Variants in MYO5A observed in about 807,000 individuals in gnomAD.
MYO5A encodes unconventional myosin-Va.
In MYO5A, 98 loss-of-function variants were observed where a neutral mutation model predicts 249.7. The ratio of observed to expected loss-of-function variants is 0.39; its 90% CI spans 0.33 to 0.46. The LOEUF (loss-of-function observed/expected upper bound fraction) is 0.46. Ranked by LOEUF, MYO5A falls within the 20% of genes least tolerant of loss-of-function variation. The pLI, the probability that MYO5A is intolerant of heterozygous loss-of-function variation, is 0.98. For missense variants in MYO5A, 1,696 were observed against 2,308.8 expected (o/e 0.73, Z 5.44); for synonymous variants, 778 against 810.6 (o/e 0.96, Z 0.68).
rs963367486 is a variant in MYO5A, at chr15:52,346,464, G to T, written c.3859-3C>A. ...ATTGTGGAATCTGTCATTGTATTCT[G>T]AGAGGGAAATAACACATTTACGCAT... On this transcript the variant is annotated splice_region_variant and splice_polypyrimidine_tract_variant and intron_variant, in intron 29 of 41. Transcript: ENST00000399233. 6.5e-7 allele frequency: 1 copy of T among 1,541,072 alleles called. No individual in the cohort carries two copies. Among genetic ancestry groups the T allele is most frequent in the Non-Finnish European group, 9.0e-7 (1 of 1,114,660 alleles).
chr15:52,355,113 T>C (rs2040151840), intron 25 of MYO5A, among the ~76,000 whole-genome samples: 1 of 152,316 alleles, frequency 6.6e-6, no homozygotes, highest in African/African-American at 2.4e-5. Flanking sequence ...TTAAATTGTT[T>C]ACAATGGGCA....
In MYO5A at chr15:52,348,702, A is replaced by G; in HGVS notation, c.3858+116T>C. ...AATCGGAAATTCACTTACAAATTCA[A>G]AATATCAAAATAGACTTGGTCAGAA... On this transcript the variant is annotated intron_variant, in intron 29 of 41. Transcript: ENST00000399233. The G allele has an allele frequency of 3.2e-6, 3 of 945,522 alleles. No homozygotes were observed. The East Asian group carries it at 8.0e-5, about 25-fold the overall frequency. The allele number at this position is 945,522 out of a possible 1,614,324, so 58.6% of individuals were successfully genotyped here. A position where few individuals can be genotyped will look rare whatever the true frequency, so the allele number is the denominator to read the frequency against.
chr15:52,455,784 A>C (rs1279034198), intron 1 of MYO5A, among the ~76,000 whole-genome samples: 2 of 151,890 alleles, frequency 1.3e-5, no homozygotes, highest in African/African-American at 4.8e-5. Context: ...AAAAAAAAAA[A>C]ACCTCAACAA....
intron 30 of MYO5A, among the ~76,000 whole-genome samples, chr15:52,343,890 A>C (rs1203107338): frequency 6.6e-6 from 1 of 152,262 alleles, no homozygotes; most frequent in African/African-American, 2.4e-5. Flanking sequence ...CACTTAGAAT[A>C]TAAAAATAAT....
At position 52,473,363 on chromosome 15, in the gene MYO5A, T is replaced by C. The variant is rs145152007; in HGVS notation, c.28-40078A>G. 6.7e-3 allele frequency among the ~76,000 whole-genome samples: 1,024 copies of C among 152,348 alleles called. 18 individuals carry two copies. Among genetic ancestry groups the C allele is most frequent in the African/African-American group, 0.024 (986 of 41,572 alleles). On this transcript the variant is annotated intron_variant, in intron 1 of 41. Transcript: ENST00000399233. ...GTAGGTTGCCTGTTCACTCTGATAG[T>C]AGTTTCTTTTGCTGTGCAGAAGCTC...
At chr15:52,405,853 C>A (rs1224902023) in intron 8 of MYO5A, among the ~76,000 whole-genome samples, 1 of 152,196 alleles carries the variant, frequency 6.6e-6, no homozygotes, top group African/African-American at 2.4e-5. Context: ...ATAGTATTAC[C>A]ATTTCTATTT....
intron 1 of MYO5A, among the ~76,000 whole-genome samples, chr15:52,523,371 C>T (rs777601451): frequency 6.6e-5 from 10 of 152,212 alleles, no homozygotes; most frequent in Non-Finnish European, 1.3e-4. Flanking sequence ...TACCCTGCTT[C>T]GTCCCTACAA....
At chr15:52,421,444 T>A (rs1490203656) in intron 4 of MYO5A, among the ~76,000 whole-genome samples, 2 of 152,242 alleles carry the variant, frequency 1.3e-5, no homozygotes, top group Admixed American at 6.5e-5. Context: ...TTAGTATTTT[T>A]CGAAGTGTTT....
intron 23 of MYO5A, among the ~76,000 whole-genome samples, chr15:52,366,629 CAA>C (rs60631867): frequency 0.2 from 15,044 of 73,862 alleles, 504 homozygotes; most frequent in East Asian, 0.46. Context: ...ATTGATTTAG[CAA>C]AAAAAAAAAA....
intron 1 of MYO5A, among the ~76,000 whole-genome samples, chr15:52,521,751 G>A (rs1266950828): frequency 2.0e-5 from 3 of 152,218 alleles, no homozygotes; most frequent in Admixed American, 6.5e-5. Flanking sequence ...TCCAAGTGAG[G>A]AGGGCTTAGA....
At chr15:52,390,679 C>T (rs1420243613) in intron 12 of MYO5A, among the ~76,000 whole-genome samples, 6 of 151,716 alleles carry the variant, frequency 4.0e-5, no homozygotes, top group Non-Finnish European at 1.5e-5. Context: ...CCTGCCTCAG[C>T]CTCCCAAGTA....
intron 1 of MYO5A, among the ~76,000 whole-genome samples, chr15:52,513,797 G>C (rs1250945897): frequency 1.3e-5 from 2 of 152,184 alleles, no homozygotes; most frequent in African/African-American, 4.8e-5. Context: ...CCACTCAGGG[G>C]TGTTGAGCTA....
At chr15:52,443,707 CAAA>C (rs72495071) in intron 1 of MYO5A, among the ~76,000 whole-genome samples, 5 of 82,140 alleles carry the variant, frequency 6.1e-5, no homozygotes, top group African/African-American at 4.6e-5. Context: ...GACTCCATCT[CAAA>C]AAAAAAAAAA....
chr15:52,421,743 C>G (rs1452050547), intron 4 of MYO5A, among the ~76,000 whole-genome samples: 1 of 152,172 alleles, frequency 6.6e-6, no homozygotes, highest in Non-Finnish European at 1.5e-5. Flanking sequence ...ATGCATACCA[C>G]AGAAACCTGT....
At chr15:52,502,410 T>A (rs1250691280) in intron 1 of MYO5A, among the ~76,000 whole-genome samples, 1 of 152,156 alleles carries the variant, frequency 6.6e-6, no homozygotes, top group African/African-American at 2.4e-5. Context: ...AGAGACAAAA[T>A]ATAAAATAAA....
At chr15:52,413,928 G>GT (rs2043359685) in intron 5 of MYO5A, among the ~76,000 whole-genome samples, 1 of 152,162 alleles carries the variant, frequency 6.6e-6, no homozygotes, top group Non-Finnish European at 1.5e-5. Flanking sequence ...ATTGCATACT[G>GT]TAAGTATTAT....
Position 52,353,995 on chromosome 15 carries a change from A to G in MYO5A, c.3443T>C (p.Val1148Ala), listed in dbSNP as rs2040080320. The change falls in exon 26 of 42, where the codon GTA (valine) becomes GCA (alanine). Residue 1148 changes from valine (V) to alanine (A), a missense_variant. This residue lies in a region of MYO5A where 625 missense variants were observed against 908.1 expected (regional missense o/e 0.69). Coordinates refer to ENST00000399233, the MANE Select transcript of MYO5A (RefSeq NM_001382347.1). ...AAGGAACAATGACATGTCCAGAGGTACCTTCTTCTCACTTGGTTCCTAAAC... is the reference window on the plus strand; with the variant it reads ...AAGGAACAATGACATGTCCAGAGGTGCCTTCTTCTCACTTGGTTCCTAAAC... ...SRTEEPSEKK[V>A]PLDMSLFLKL... is the part of the protein sequence containing the mutation. 3 of 1,614,256 alleles carry G rather than the reference A, an allele frequency of 1.9e-6. No individual in the cohort carries two copies. The highest frequency in any genetic ancestry group is 1.7e-5 in the Admixed American group (1 of 60,032).
chr15:52,480,416 A>C lies in MYO5A; in HGVS notation c.28-47131T>G, dbSNP rs188582909. On this transcript the variant is annotated intron_variant, in intron 1 of 41. Transcript: ENST00000399233. ...GCGAATGTAAAATCTCAGAATCAGA[A>C]GAGGGCTTAAAGATGATCTGGTCCA... Among the ~76,000 whole-genome samples, 8 of 152,354 alleles carry C rather than the reference A, an allele frequency of 5.3e-5. No homozygotes were observed. In the East Asian group the frequency reaches 1.3e-3, roughly 26 times the overall value.
At chr15:52,406,485 T>C (rs1383826769) in intron 8 of MYO5A, among the ~76,000 whole-genome samples, 1 of 152,174 alleles carries the variant, frequency 6.6e-6, no homozygotes, top group African/African-American at 2.4e-5. Flanking sequence ...TATGTTTCAG[T>C]AGGTCTGAGA....
Sources: gnomAD v4.1 joint callset for allele counts (sites outside exome capture counted in the v4.1 genomes callset) on GRCh38, gnomAD v4.1.1 for gene constraint, gnomAD v4.1.1 regional missense constraint, MANE v1.5 for transcripts, NCBI Gene and HGNC (gene_info 2026-07-23, HGNC 2026-07-21) for gene names.